PCCA: variants seen among roughly 807,000 people sequenced by gnomAD.
PCCA encodes propionyl-CoA carboxylase subunit alpha.
Under a neutral mutation model 101.3 loss-of-function variants are expected in PCCA, and 74 were observed. That is an observed-to-expected ratio of 0.73 (90% CI 0.61 to 0.89). PCCA has a LOEUF of 0.89. PCCA is among the 40% of genes least tolerant of loss of function. PCCA has a pLI of 0.00. For synonymous variants in PCCA, 294 were observed against 313.6 expected, an observed-to-expected ratio of 0.94 and a Z score of 0.66; for missense variants, 891 against 907.0, an observed-to-expected ratio of 0.98 and a Z score of 0.23.
At chr13:100,299,439 A>G (rs945903549) in intron 12 of PCCA, among the ~76,000 whole-genome samples, 3 of 152,236 alleles carry the variant, frequency 2.0e-5, no homozygotes, top group Non-Finnish European at 4.4e-5. Context: ...CATTTCTTTC[A>G]TATACATTAC....
At chr13:100,462,569 G>A (rs1184584855) in intron 21 of PCCA, among the ~76,000 whole-genome samples, 2 of 152,156 alleles carry the variant, frequency 1.3e-5, no homozygotes, top group Non-Finnish European at 2.9e-5. Context: ...TTCTTTTATT[G>A]ATAAACAGTA....
chr13:100,321,511 G>A (rs1047156146), intron 16 of PCCA, among the ~76,000 whole-genome samples: 3 of 151,464 alleles, frequency 2.0e-5, no homozygotes, highest in Admixed American at 6.6e-5. Context: ...TAGTTATTAT[G>A]TATGGGCCAA....
At chr13:100,223,757 C>G (rs1421282669) in intron 7 of PCCA, among the ~76,000 whole-genome samples, 1 of 152,092 alleles carries the variant, frequency 6.6e-6, no homozygotes, top group Non-Finnish European at 1.5e-5. Flanking sequence ...GTTTATAATC[C>G]CTGAGCTAGA....
At chr13:100,154,295 T>C (rs899126371) in intron 4 of PCCA, among the ~76,000 whole-genome samples, 5 of 152,228 alleles carry the variant, frequency 3.3e-5, no homozygotes, top group Admixed American at 1.3e-4. Flanking sequence ...AATAAATAGA[T>C]TTAAACATTA....
intron 19 of PCCA, among the ~76,000 whole-genome samples, chr13:100,408,474 TC>T (rs1212010305): frequency 6.6e-6 from 1 of 152,208 alleles, no homozygotes; most frequent in Admixed American, 6.5e-5. Flanking sequence ...GTTTTTATCT[TC>T]CCTTTAAAAA....
At chr13:100,285,992 G>C (rs1040409938) in intron 12 of PCCA, among the ~76,000 whole-genome samples, 1 of 152,148 alleles carries the variant, frequency 6.6e-6, no homozygotes, top group Non-Finnish European at 1.5e-5. Context: ...CAAAAGTTGA[G>C]AAGGGGCAGA....
chr13:100,527,891 TG>T, intron 23 of PCCA, 139 bp downstream of exon 23: 1 of 732,352 alleles, frequency 1.4e-6, no homozygotes, highest in Non-Finnish European at 2.5e-6. Flanking sequence ...ACGTTAGGAT[TG>T]GGAGCTTTTG....
intron 21 of PCCA, among the ~76,000 whole-genome samples, chr13:100,494,374 G>A (rs1466725715): frequency 1.3e-5 from 2 of 151,880 alleles, no homozygotes; most frequent in Non-Finnish European, 2.9e-5. Flanking sequence ...GCCAGCCTAA[G>A]CAGTCTTGAC....
chr13:100,149,902 C>T (rs2053081282), intron 4 of PCCA, among the ~76,000 whole-genome samples: 1 of 152,274 alleles, frequency 6.6e-6, no homozygotes, highest in Admixed American at 6.5e-5. Flanking sequence ...CACTTTTTAT[C>T]ACTCATATGC....
rs369459455 is a variant in PCCA at position 100,385,124 on chromosome 13, C to A, written c.1746+16550C>A. 1.1e-3 allele frequency among the ~76,000 whole-genome samples: 166 copies of A among 152,224 alleles called. 6 individuals carry two copies. The South Asian group carries it at 0.031, about 29-fold the overall frequency. On this transcript the variant is annotated intron_variant, in intron 19 of 23. Transcript: ENST00000376285. ...TGAACAAAGCAGCAAAAGATATTCT[C>A]TTTGAGGAAAATACCTTATTTTCTG...
At chr13:100,170,235 A>G (rs1477069314) in intron 6 of PCCA, among the ~76,000 whole-genome samples, 2 of 152,216 alleles carry the variant, frequency 1.3e-5, no homozygotes, top group African/African-American at 4.8e-5. Flanking sequence ...GTGACTCCTA[A>G]GCTTAGAATT....
chr13:100,410,610 C>G (rs964398574), intron 19 of PCCA, among the ~76,000 whole-genome samples: 1 of 152,300 alleles, frequency 6.6e-6, no homozygotes, highest in East Asian at 1.9e-4. Flanking sequence ...GCAGTTCTTG[C>G]GGACCTCTCC....
intron 19 of PCCA, among the ~76,000 whole-genome samples, chr13:100,377,636 A>G (rs1386753537): frequency 6.6e-6 from 1 of 152,098 alleles, no homozygotes; most frequent in Non-Finnish European, 1.5e-5. Flanking sequence ...CTGGGACTAC[A>G]GGCGCCTGCC....
intron 19 of PCCA, among the ~76,000 whole-genome samples, chr13:100,377,454 C>T (rs999344461): frequency 3.3e-5 from 5 of 151,876 alleles, no homozygotes; most frequent in African/African-American, 1.2e-4. Context: ...ATATTTGGGT[C>T]ATATGTTTAT....
intron 17 of PCCA, among the ~76,000 whole-genome samples, chr13:100,337,329 T>C (rs879509137): frequency 3.3e-5 from 5 of 152,126 alleles, no homozygotes; most frequent in Non-Finnish European, 5.9e-5. Flanking sequence ...GCAGTGTCAG[T>C]GTGTCTGACT....
chr13:100,416,028 C>T (rs368954083), intron 19 of PCCA, among the ~76,000 whole-genome samples: 4 of 152,044 alleles, frequency 2.6e-5, no homozygotes, highest in East Asian at 3.9e-4. Context: ...CCTATGATGA[C>T]GTAGATAGGA....
chr13:100,431,413 G>A (rs2079541199), intron 20 of PCCA, among the ~76,000 whole-genome samples: 1 of 152,170 alleles, frequency 6.6e-6, no homozygotes, highest in Non-Finnish European at 1.5e-5. Flanking sequence ...TTTAAGGCAA[G>A]ATTTAATGTC....
intron 6 of PCCA, among the ~76,000 whole-genome samples, chr13:100,204,392 G>A (rs567777842): frequency 1.7e-4 from 26 of 152,238 alleles, no homozygotes; most frequent in African/African-American, 5.1e-4. Flanking sequence ...CACCTGCCTC[G>A]GCCTCCCAAA....
intron 20 of PCCA, among the ~76,000 whole-genome samples, chr13:100,436,339 C>A (rs570636979): frequency 6.6e-6 from 1 of 152,228 alleles, no homozygotes; most frequent in Non-Finnish European, 1.5e-5. Flanking sequence ...GGCAATCAGT[C>A]TGATTGGTTT....
Sources: allele counts gnomAD v4.1 joint callset (sites outside exome capture counted in the v4.1 genomes callset), GRCh38; gene constraint gnomAD v4.1.1; transcripts MANE v1.5; gene names NCBI Gene and HGNC (gene_info 2026-07-23, HGNC 2026-07-21).